Variants in CD22 observed in about 807,000 individuals in gnomAD.
CD22 encodes the protein B-cell receptor CD22.
A neutral mutation model predicts 94.7 loss-of-function variants in CD22; 51 were observed. The observed-to-expected ratio is 0.54, with a 90% CI of 0.43 to 0.68. The LOEUF (loss-of-function observed/expected upper bound fraction) is 0.68, where lower values mean the gene tolerates loss of function less well. Among genes scored for constraint, CD22 ranks in the 30% least tolerant of loss-of-function variants. CD22 has a pLI of 0.00. For synonymous variants in CD22, 424 were observed against 422.5 expected (o/e 1.00, Z -0.04); for missense variants, 931 against 1,060.4 (o/e 0.88, Z 1.69).
chr19:35,333,554 C>T (rs978712678), intron 3 of CD22, among the ~76,000 whole-genome samples: 2 of 152,038 alleles, frequency 1.3e-5, no homozygotes, highest in Admixed American at 1.3e-4. Context: ...TTCCCCTTCC[C>T]CTTCCTTTCC....
chr19:35,336,621 C>T (rs1568486199), intron 4 of CD22: 1 of 467,740 alleles, frequency 2.1e-6, no homozygotes, highest in Non-Finnish European at 3.9e-6. Flanking sequence ...GCATCATTAT[C>T]TTGTGCCTCA....
chr19:35,336,430 G>A, intron 4 of CD22, 89 bp downstream of exon 4: 9 of 1,329,872 alleles, frequency 6.8e-6, no homozygotes, highest in African/African-American at 1.5e-5. Flanking sequence ...AGGGCAGGGG[G>A]AAGCCTGCAC....
rs143303785 is a variant in CD22, at chr19:35,341,485, G to A, written c.1650G>A (p.Leu550=). The stretch of plus-strand genomic sequence containing the variant: ...TCTGGGAGAAAAATGGCAGGCTTCT[G>A]GGGAAAGAAAGCCAGCTGAATTTTG... The part of the protein sequence containing the change: ...QFFWEKNGRL[L]GKESQLNFDS... The change falls in exon 8 of 14, where the codon CTG becomes CTA. Residue 550 remains leucine (L), a synonymous_variant. Coordinates refer to ENST00000085219, the MANE Select transcript of CD22 (RefSeq NM_001771.4). The surrounding 1 kb of genome is among the most constrained non-coding windows in gnomAD (Gnocchi z 4.0). 14 of 1,614,008 alleles carry A rather than the reference G, an allele frequency of 8.7e-6. No individual in the cohort carries two copies. In the African/African-American group the frequency reaches 9.3e-5, roughly 11 times the overall value.
At position 35,337,670 on chromosome 19, in the gene CD22, C is replaced by A; in HGVS notation, c.719-85C>A. The A allele has an allele frequency of 8.0e-7, 1 of 1,243,628 alleles. No homozygotes were observed. The highest frequency in any genetic ancestry group is 1.1e-6 in the Non-Finnish European group (1 of 896,736). 77.0% of individuals were successfully genotyped at this position (1,243,628 alleles called of 1,614,324 possible). Reference sequence around the variant, plus strand: ...GGGTGAAGGGACTGGCAGGCCATGGCTTTGTCAGAATAAAAGCACTTTCCA... The same window carrying A: ...GGGTGAAGGGACTGGCAGGCCATGGATTTGTCAGAATAAAAGCACTTTCCA... On this transcript the variant is annotated intron_variant, in intron 4 of 13. Transcript: ENST00000085219. This position sits in a 1 kb window ranked among gnomAD's most constrained non-coding sequence, Gnocchi z 4.4.
chr19:35,332,195 A>G, intron 2 of CD22, 121 bp downstream of exon 2: 2 of 1,033,020 alleles, frequency 1.9e-6, no homozygotes, highest in South Asian at 1.3e-5. Context: ...CGGTGTGTAT[A>G]GATAAATGTA....
In CD22 at chr19:35,332,769, C is replaced by T. The variant is rs1202406910; in HGVS notation, c.257C>T (p.Pro86Leu). Residue 86 changes from proline to leucine, a missense_variant, in exon 3 of 14, where the codon CCT (proline) becomes CTT (leucine). Pro to Leu is a moderately conservative substitution (Grantham distance 98, BLOSUM62 -3). Transcript: ENST00000085219. Reference sequence around the variant, plus strand: ...GAAAGCACAAAGGATGGGAAGGTTCCTTCTGAGCAGAAAAGGGTGCAATTC... The same window carrying T: ...GAAAGCACAAAGGATGGGAAGGTTCTTTCTGAGCAGAAAAGGGTGCAATTC... The part of the protein sequence containing the change: ...LYESTKDGKV[P>L]SEQKRVQFLG... 1.2e-6 allele frequency: 2 copies of T among 1,613,874 alleles called. No homozygotes were observed. The highest frequency in any genetic ancestry group is 1.7e-5 in the Admixed American group (1 of 59,998).
chr19:35,344,545 C>T (rs973409964), intron 9 of CD22, among the ~76,000 whole-genome samples: 2 of 152,246 alleles, frequency 1.3e-5, no homozygotes, highest in Non-Finnish European at 2.9e-5. Flanking sequence ...CACAGCTATA[C>T]TGCCGTGAAG....
chr19:35,341,091 G>A lies in CD22; in HGVS notation c.1460G>A (p.Cys487Tyr). ...AACACAACCATCGCCTGCGCAGCTT[G>A]TAATAGTTGGTGCTCGTGGGCCTCC... is the stretch of plus-strand genomic sequence containing the variant. ...WDNTTIACAA[C>Y]NSWCSWASPV... The change falls in exon 7 of 14, where the codon TGT becomes TAT. Residue 487 changes from cysteine to tyrosine, a missense_variant. Physicochemically the swap from Cys to Tyr is radical, Grantham distance 194. Transcript: ENST00000085219. The surrounding 1 kb of genome is among the most constrained non-coding windows in gnomAD (Gnocchi z 4.0). 1 of 1,614,224 alleles carries A rather than the reference G, an allele frequency of 6.2e-7. No homozygotes were observed. Among genetic ancestry groups the A allele is most frequent in the Non-Finnish European group, 8.5e-7 (1 of 1,180,028 alleles).
At position 35,341,621 on chromosome 19, in the gene CD22, G is replaced by A. The variant is rs773214402; in HGVS notation, c.1771+15G>A. ...TGAAGTGCTGTGTGAGTGAGGGCCGGAGGCTGGGAGTGGAGCAGAGAAGGG... is the reference window on the plus strand; with the variant it reads ...TGAAGTGCTGTGTGAGTGAGGGCCGAAGGCTGGGAGTGGAGCAGAGAAGGG... On this transcript the variant is annotated intron_variant, in intron 8 of 13. Transcript: ENST00000085219. This position sits in a 1 kb window ranked among gnomAD's most constrained non-coding sequence, Gnocchi z 4.0. The A allele has an allele frequency of 6.2e-7, 1 of 1,608,272 alleles. No individual in the cohort carries two copies. Among genetic ancestry groups the A allele is most frequent in the South Asian group, 1.1e-5 (1 of 90,986 alleles).
At chr19:35,338,119 T>C in intron 5 of CD22, 49 bp from the exon 6 acceptor site, 1 of 1,580,652 alleles carries the variant, frequency 6.3e-7, no homozygotes, top group Non-Finnish European at 8.6e-7. Flanking sequence ...TGTGCACAGG[T>C]TGGGGGTGCT....
chr19:35,335,053 G>A (rs923335610), intron 3 of CD22, among the ~76,000 whole-genome samples: 2 of 140,268 alleles, frequency 1.4e-5, no homozygotes, highest in African/African-American at 2.7e-5. Context: ...ACTCCAGTCC[G>A]GGCGACAGAG....
Position 35,332,771 on chromosome 19 carries a change from T to C in CD22, c.259T>C (p.Ser87Pro). 1 of 1,613,994 alleles carries C rather than the reference T, an allele frequency of 6.2e-7. No individual in the cohort carries two copies. Among genetic ancestry groups the C allele is most frequent in the South Asian group, 1.1e-5 (1 of 91,074 alleles). Residue 87 changes from serine to proline, a missense_variant, in exon 3 of 14, where the codon TCT (serine) becomes CCT (proline). Physicochemically the swap from Ser to Pro is moderately conservative, Grantham distance 74. Transcript: ENST00000085219. The part of the protein sequence containing the change: ...YESTKDGKVP[S>P]EQKRVQFLGD... ...AAGCACAAAGGATGGGAAGGTTCCT[T>C]CTGAGCAGAAAAGGGTGCAATTCCT...
intron 3 of CD22, among the ~76,000 whole-genome samples, 166 bp from the exon 4 acceptor site, chr19:35,335,870 C>G (rs931731637): frequency 1.3e-5 from 2 of 151,854 alleles, no homozygotes; most frequent in Non-Finnish European, 2.9e-5. Context: ...AACAACAACA[C>G]AACAACAACA....
chr19:35,333,234 C>T (rs1448574662), intron 3 of CD22: 2 of 377,014 alleles, frequency 5.3e-6, no homozygotes, highest in Non-Finnish European at 9.7e-6. Flanking sequence ...GGCCTTAGTA[C>T]TGGAACCATC....
chr19:35,337,758 C>A lies in CD22; in HGVS notation c.722C>A (p.Thr241Asn). 6.3e-7 allele frequency: 1 copy of A among 1,594,152 alleles called. No individual in the cohort carries two copies. The highest frequency in any genetic ancestry group is 2.3e-5 in the East Asian group (1 of 44,440). Residue 241 changes from threonine (T) to asparagine (N), a missense_variant, in exon 5 of 14, where the codon ACC (threonine) becomes AAC (asparagine). Coordinates refer to ENST00000085219, the MANE Select transcript of CD22 (RefSeq NM_001771.4). This position sits in a 1 kb window ranked among gnomAD's most constrained non-coding sequence, Gnocchi z 4.4. ...NDTVQLNVKH[T>N]PKLEIKVTPS... is the part of the protein sequence containing the mutation. ...GACTGCCCCTCTGCTCCTCCAGACA[C>A]CCCGAAGTTGGAGATCAAGGTCACT...
chr19:35,344,680 T>C (rs1599692405), intron 9 of CD22, 149 bp from the exon 10 acceptor site: 5 of 656,722 alleles, frequency 7.6e-6, no homozygotes, highest in Middle Eastern at 8.7e-4. Flanking sequence ...GCAGGGGCCG[T>C]TGTCACCCTC....
intron 3 of CD22, among the ~76,000 whole-genome samples, chr19:35,335,593 C>T (rs545919334): frequency 2.6e-5 from 4 of 151,710 alleles, no homozygotes; most frequent in African/African-American, 9.7e-5. Context: ...TGGCTTACAC[C>T]TGTAATCCCA....
chr19:35,334,724 G>A (rs1599675190), intron 3 of CD22, among the ~76,000 whole-genome samples: 1 of 152,180 alleles, frequency 6.6e-6, no homozygotes, highest in East Asian at 1.9e-4. Flanking sequence ...AGCCATGAAA[G>A]TAACACAAGT....
In CD22 at chr19:35,341,770, C is replaced by T; in HGVS notation, c.1840C>T (p.Leu614=). The T allele has an allele frequency of 1.2e-6, 2 of 1,612,782 alleles. No individual in the cohort carries two copies. Among genetic ancestry groups the T allele is most frequent in the Non-Finnish European group, 1.7e-6 (2 of 1,180,014 alleles). ...AGTGATGGAGGGGAAGAGTGCAACC[C>T]TGACCTGTGAGAGCGACGCCAACCC... ...DQVMEGKSAT[L]TCESDANPPV... The change falls in exon 9 of 14, where the codon CTG becomes TTG. Residue 614 remains leucine (L), a synonymous_variant. Transcript: ENST00000085219. The surrounding 1 kb of genome is among the most constrained non-coding windows in gnomAD (Gnocchi z 4.0).
Sources: allele counts gnomAD v4.1 joint callset (sites outside exome capture counted in the v4.1 genomes callset), GRCh38; gene constraint gnomAD v4.1.1; non-coding constraint Gnocchi (gnomAD v3.1); transcripts MANE v1.5; gene names NCBI Gene and HGNC (gene_info 2026-07-23, HGNC 2026-07-21).